Variants in GABPB1 observed in about 807,000 individuals in gnomAD.
The protein encoded by GABPB1 is GA binding protein transcription factor subunit beta 1, also known as GA-binding protein subunit beta-1.
A neutral mutation model predicts 45.9 loss-of-function variants in GABPB1; 15 were observed. The observed-to-expected ratio is 0.33, with a 90% confidence interval of 0.22 to 0.50. The LOEUF is 0.50. Among genes scored for constraint, GABPB1 ranks in the 20% least tolerant of loss-of-function variants. The pLI is 0.98. For missense variants in GABPB1, 252 were observed against 457.5 expected (o/e 0.55, Z 4.10); for synonymous variants, 143 against 154.4 (o/e 0.93, Z 0.55).
chr15:50,278,735 T>C lies in GABPB1; in HGVS notation c.1049A>G (p.Gln350Arg), dbSNP rs1447285739. The C allele has an allele frequency of 1.9e-6, 3 of 1,613,556 alleles. No homozygotes were observed. Among genetic ancestry groups the C allele is most frequent in the African/African-American group, 2.7e-5 (2 of 74,912 alleles). ...KQLDEANREA[Q>R]KYRQQLLKKE... is the part of the protein sequence containing the mutation. ...CTTTAGGAGCTGCTGTCGATATTTTTGTGCTTCTCGATTTGCTTCATCCAG... is the reference window on the plus strand; with the variant it reads ...CTTTAGGAGCTGCTGTCGATATTTTCGTGCTTCTCGATTTGCTTCATCCAG... Residue 350 changes from glutamine to arginine, a missense_variant, in exon 9 of 9, where the codon CAA (glutamine) becomes CGA (arginine). Transcript: ENST00000380877.
rs115780968 is a variant in GABPB1 at position 50,299,766 on chromosome 15, C to T, written c.697+1023G>A. Reference sequence around the variant, plus strand: ...TCTATCAGTCATTAAGATTTTATAACACTCTAGTAGAGCTGCTAAAAATTA... The same window carrying T: ...TCTATCAGTCATTAAGATTTTATAATACTCTAGTAGAGCTGCTAAAAATTA... On this transcript the variant is annotated intron_variant, in intron 6 of 8. Coordinates refer to ENST00000380877, the MANE Select transcript of GABPB1 (RefSeq NM_016654.5). 6.6e-3 allele frequency among the ~76,000 whole-genome samples: 998 copies of T among 152,164 alleles called. 11 individuals are homozygous for T. Among genetic ancestry groups the T allele is most frequent in the African/African-American group, 0.023 (938 of 41,514 alleles).
intron 1 of GABPB1, among the ~76,000 whole-genome samples, chr15:50,320,030 T>G (rs2047503401): frequency 6.6e-6 from 1 of 152,186 alleles, no homozygotes; most frequent in South Asian, 2.1e-4. Context: ...TGCTTACTTC[T>G]TTTTAAACAA....
chr15:50,337,075 G>GTATATATATATATATATATA (rs869106382), intron 1 of GABPB1, among the ~76,000 whole-genome samples: 2 of 14,202 alleles, frequency 1.4e-4, no homozygotes, highest in Admixed American at 9.5e-4. Flanking sequence ...ATATGTGTGT[G>GTATATATATATATATATATA]TATATATATA....
intron 1 of GABPB1, among the ~76,000 whole-genome samples, chr15:50,339,745 G>A (rs1012321695): frequency 3.9e-5 from 6 of 152,042 alleles, no homozygotes; most frequent in Non-Finnish European, 5.9e-5. Context: ...AGATAAGCTC[G>A]AAAGTTCCAT....
intron 1 of GABPB1, among the ~76,000 whole-genome samples, chr15:50,345,709 CA>C (rs1246873145): frequency 9.9e-6 from 1 of 100,864 alleles, no homozygotes; most frequent in African/African-American, 4.1e-5. Flanking sequence ...GATGTCTGTA[CA>C]TTTTTTTTTG....
At chr15:50,320,345 T>G (rs963373442) in intron 1 of GABPB1, among the ~76,000 whole-genome samples, 3 of 152,178 alleles carry the variant, frequency 2.0e-5, no homozygotes, top group African/African-American at 7.2e-5. Flanking sequence ...TTTTTGCATT[T>G]TTAGTAGAGA....
At chr15:50,350,447 G>A (rs1380577634) in intron 1 of GABPB1, 3 of 149,990 alleles carry the variant, frequency 2.0e-5, no homozygotes, top group African/African-American at 7.4e-5. Flanking sequence ...ATGTCAGAAG[G>A]TATGCCAATT....
In GABPB1 at chr15:50,295,857, C is replaced by G. The variant is rs186563898; in HGVS notation, c.697+4932G>C. On this transcript the variant is annotated intron_variant, in intron 6 of 8. Transcript: ENST00000380877. ...AATGAGCTATTTTAATCATCAAGCA[C>G]TGACAACCTGCTGTTATATTTGCTT... 2.7e-3 allele frequency among the ~76,000 whole-genome samples: 378 copies of G among 138,590 alleles called. 1 individual carries two copies. The highest frequency in any genetic ancestry group is 7.3e-3 in the Admixed American group (97 of 13,290). The allele number at this position is 138,590 out of a possible 152,430, so 90.9% of individuals were successfully genotyped here.
chr15:50,323,322 T>G (rs1882453559), intron 1 of GABPB1, among the ~76,000 whole-genome samples: 1 of 152,180 alleles, frequency 6.6e-6, no homozygotes, highest in Non-Finnish European at 1.5e-5. Context: ...TAGCCCATCA[T>G]TTTTAGGAGC....
chr15:50,332,814 C>G (rs2047992434), intron 1 of GABPB1, among the ~76,000 whole-genome samples: 1 of 151,970 alleles, frequency 6.6e-6, no homozygotes, highest in Admixed American at 6.6e-5. Context: ...CTCTACCTAT[C>G]CTACTTGTTA....
At chr15:50,293,574 C>T (rs775979007) in intron 6 of GABPB1, among the ~76,000 whole-genome samples, 10 of 152,044 alleles carry the variant, frequency 6.6e-5, no homozygotes, top group Non-Finnish European at 1.2e-4. Flanking sequence ...GATTTTCAAA[C>T]GCATTAAGTA....
intron 1 of GABPB1, chr15:50,353,718 T>C (rs922871936): frequency 6.6e-6 from 1 of 151,836 alleles, no homozygotes; most frequent in Non-Finnish European, 1.5e-5. Flanking sequence ...GGTGGGTCTT[T>C]ACATGAGATA....
At chr15:50,289,087 C>T (rs1037599053) in intron 7 of GABPB1, among the ~76,000 whole-genome samples, 4 of 152,106 alleles carry the variant, frequency 2.6e-5, no homozygotes, top group African/African-American at 9.7e-5. Context: ...TTTTTAAAAG[C>T]TCACATGGTA....
At chr15:50,353,198 T>C (rs972294523) in intron 1 of GABPB1, 4 of 152,228 alleles carry the variant, frequency 2.6e-5, no homozygotes, top group African/African-American at 4.8e-5. Flanking sequence ...TCCGAGATCA[T>C]AGGCAGATTA....
chr15:50,317,157 AG>A (rs2141076335), intron 1 of GABPB1, among the ~76,000 whole-genome samples: 1 of 152,204 alleles, frequency 6.6e-6, no homozygotes, highest in East Asian at 1.9e-4. Context: ...GCACTTTGGG[AG>A]GCCGAGGCAG....
chr15:50,338,665 G>C (rs1018016776), intron 1 of GABPB1, among the ~76,000 whole-genome samples: 4 of 151,764 alleles, frequency 2.6e-5, no homozygotes, highest in African/African-American at 9.7e-5. Context: ...GTAGAGACGG[G>C]GCTTCACCAT....
intron 3 of GABPB1, 69 bp downstream of exon 3, chr15:50,303,897 C>A: frequency 8.0e-7 from 1 of 1,245,168 alleles, no homozygotes; most frequent in East Asian, 2.5e-5. Flanking sequence ...TTAACAAAAA[C>A]TAGTTCCCTC....
At chr15:50,318,453 T>C (rs2047429341) in intron 1 of GABPB1, among the ~76,000 whole-genome samples, 1 of 152,148 alleles carries the variant, frequency 6.6e-6, no homozygotes, top group Non-Finnish European at 1.5e-5. Flanking sequence ...TATTTTCAAA[T>C]ATTATATCCA....
At chr15:50,302,759 T>C (rs368200073) in intron 4 of GABPB1, among the ~76,000 whole-genome samples, 170 bp downstream of exon 4, 3 of 141,746 alleles carry the variant, frequency 2.1e-5, no homozygotes, top group Middle Eastern at 4.0e-3. Context: ...ATCAAGAAAA[T>C]GAATAGTAAT....
Sources: allele counts gnomAD v4.1 joint callset (sites outside exome capture counted in the v4.1 genomes callset), GRCh38; gene constraint gnomAD v4.1.1; transcripts MANE v1.5; gene names NCBI Gene and HGNC (gene_info 2026-07-23, HGNC 2026-07-21).